Variants in ZSCAN5A observed in about 807,000 individuals in gnomAD.
The protein encoded by ZSCAN5A is zinc finger and SCAN domain containing 5A.
A neutral mutation model predicts 23.7 loss-of-function variants in ZSCAN5A; 12 were observed. The ratio of observed to expected loss-of-function variants is 0.51; its 90% CI spans 0.32 to 0.82. The LOEUF (loss-of-function observed/expected upper bound fraction) is 0.82. ZSCAN5A is among the 40% of genes least tolerant of loss of function. The pLI is 0.03. For synonymous variants in ZSCAN5A, 257 were observed against 239.9 expected, an observed-to-expected ratio of 1.07 and a Z score of -0.66; for missense variants, 597 against 617.9, an observed-to-expected ratio of 0.97 and a Z score of 0.36.
chr19:56,291,876 A>G (rs2039532377), intron 2 of ZSCAN5A, among the ~76,000 whole-genome samples: 1 of 152,214 alleles, frequency 6.6e-6, no homozygotes, highest in Admixed American at 6.5e-5. Flanking sequence ...TGGTGATGAC[A>G]GTGATGGAAA....
At chr19:56,244,218 T>G (rs760423131) in intron 2 of ZSCAN5A, 26 of 1,607,482 alleles carry the variant, frequency 1.6e-5, no homozygotes, top group Non-Finnish European at 1.4e-5. Context: ...TCGGACCCCA[T>G]CCAGGCTCTG....
chr19:56,323,598 A>G (rs575355070), intron 2 of ZSCAN5A, among the ~76,000 whole-genome samples: 330 of 140,390 alleles, frequency 2.4e-3, no homozygotes, highest in Non-Finnish European at 3.7e-3. Flanking sequence ...GTACAATGGT[A>G]TGATCTCGGC....
rs368273548 is a variant in ZSCAN5A at position 56,270,455 on chromosome 19, G to C, written c.-128+42828C>G. Reference sequence around the variant, plus strand: ...AAATAAATACATACATAGCTAGCAAGTTGTGCAAGAAAGATTCAGTGAAAC... The same window carrying C: ...AAATAAATACATACATAGCTAGCAACTTGTGCAAGAAAGATTCAGTGAAAC... On this transcript the variant is annotated intron_variant, in intron 2 of 5. Coordinates refer to ENST00000683990, the MANE Select transcript of ZSCAN5A (RefSeq NM_001322064.3). Among the ~76,000 whole-genome samples the C allele has an allele frequency of 2.6e-5, 4 of 152,040 alleles. No individual in the cohort carries two copies. In the East Asian group the frequency reaches 7.7e-4, roughly 29 times the overall value.
intron 2 of ZSCAN5A, among the ~76,000 whole-genome samples, chr19:56,360,124 A>T (rs2041725608): frequency 1.3e-5 from 2 of 152,240 alleles, no homozygotes; most frequent in Non-Finnish European, 2.9e-5. Flanking sequence ...GGAAGAGAAG[A>T]AGTCAACTTG....
chr19:56,331,578 CTTTTTTTTTT>C (rs68085541), intron 2 of ZSCAN5A, among the ~76,000 whole-genome samples: 4 of 48,964 alleles, frequency 8.2e-5, no homozygotes, highest in Non-Finnish European at 1.6e-4. Flanking sequence ...GAATTGCATT[CTTTTTTTTTT>C]TTTTTTTTTT....
chr19:56,361,720 G>T (rs116953569), intron 2 of ZSCAN5A, among the ~76,000 whole-genome samples: 3,717 of 151,766 alleles, frequency 0.024, 64 homozygotes, highest in Non-Finnish European at 0.039. Flanking sequence ...GGCATGGTTG[G>T]GAGGAGAGTA....
intron 2 of ZSCAN5A, among the ~76,000 whole-genome samples, chr19:56,290,814 G>A (rs1200380301): frequency 3.9e-5 from 6 of 152,128 alleles, no homozygotes; most frequent in Non-Finnish European, 7.4e-5. Context: ...CTGACTCCCC[G>A]AATGCTGGTT....
intron 2 of ZSCAN5A, among the ~76,000 whole-genome samples, chr19:56,310,955 C>G (rs1428766896): frequency 1.3e-5 from 2 of 152,214 alleles, no homozygotes; most frequent in Non-Finnish European, 2.9e-5. Flanking sequence ...GTTCTCTTAT[C>G]ATCATGATCA....
intron 2 of ZSCAN5A, among the ~76,000 whole-genome samples, chr19:56,298,503 A>G (rs2040024364): frequency 6.6e-6 from 1 of 151,740 alleles, no homozygotes; most frequent in African/African-American, 2.4e-5. Flanking sequence ...ATACAAAAAA[A>G]TTAGCCAGGC....
intron 2 of ZSCAN5A, among the ~76,000 whole-genome samples, chr19:56,311,096 CGTT>C (rs1306255319): frequency 1.3e-5 from 2 of 151,990 alleles, no homozygotes; most frequent in Admixed American, 1.3e-4. Flanking sequence ...CAGGGGGTTT[CGTT>C]GTTGTTGTTG....
chr19:56,308,331 C>CTTTTTTT lies in ZSCAN5A; in HGVS notation c.-128+4945_-128+4951dup, dbSNP rs543582885. 2.3e-3 allele frequency among the ~76,000 whole-genome samples: 336 copies of CTTTTTTT among 144,732 alleles called. 2 individuals carry two copies. The East Asian group carries it at 0.029, about 12-fold the overall frequency. 94.9% of individuals were successfully genotyped at this position (144,732 alleles called of 152,430 possible). A position where few individuals can be genotyped will look rare whatever the true frequency, so the allele number is the denominator to read the frequency against. On this transcript the variant is annotated intron_variant, in intron 2 of 5. Coordinates refer to ENST00000683990, the MANE Select transcript of ZSCAN5A (RefSeq NM_001322064.3). ...ACAGGCGTGAGCGGTGGCTCCCAGT[C>CTTTTTTT]TTTTTTTTTTGAGATGGAGGCTCAC...
intron 2 of ZSCAN5A, chr19:56,244,277 A>G (rs548917225): frequency 3.1e-6 from 5 of 1,609,838 alleles, no homozygotes; most frequent in Non-Finnish European, 4.2e-6. Context: ...CGACCTCCAC[A>G]CCAAAGAGCA....
intron 2 of ZSCAN5A, among the ~76,000 whole-genome samples, chr19:56,290,389 A>G (rs971342691): frequency 2.6e-5 from 4 of 152,232 alleles, no homozygotes; most frequent in Non-Finnish European, 4.4e-5. Flanking sequence ...TGTGGCCTGC[A>G]AAGCCTACAC....
At chr19:56,341,220 T>G (rs1357132616) in intron 2 of ZSCAN5A, 1 of 152,000 alleles carries the variant, frequency 6.6e-6, no homozygotes, top group African/African-American at 2.4e-5. Context: ...GAAAAAAGAA[T>G]GAAAAGGAAC....
chr19:56,368,017 A>C (rs191764405), intron 1 of ZSCAN5A: 1 of 152,312 alleles, frequency 6.6e-6, no homozygotes, highest in African/African-American at 2.4e-5. Context: ...TGAACCTGGT[A>C]CTGATATACG....
At chr19:56,276,559 A>C (rs1600159140) in intron 2 of ZSCAN5A, among the ~76,000 whole-genome samples, 1 of 104,378 alleles carries the variant, frequency 9.6e-6, no homozygotes, top group African/African-American at 3.0e-5. Context: ...TATTTTTGAG[A>C]CGAGCCTCGC....
At chr19:56,240,033 GCA>G (rs2035299872) in intron 2 of ZSCAN5A, among the ~76,000 whole-genome samples, 1 of 151,990 alleles carries the variant, frequency 6.6e-6, no homozygotes, top group Non-Finnish European at 1.5e-5. Context: ...GTGGTGGCGG[GCA>G]CCTGTAATCC....
At chr19:56,244,543 G>T (rs1252618423) in intron 2 of ZSCAN5A, 5 of 1,242,520 alleles carry the variant, frequency 4.0e-6, no homozygotes, top group Non-Finnish European at 5.6e-6. Context: ...CCAAGTAGAG[G>T]AGAGTTTGCC....
At chr19:56,244,003 G>C in intron 2 of ZSCAN5A, 1 of 726,366 alleles carries the variant, frequency 1.4e-6, no homozygotes, top group East Asian at 2.5e-5. Flanking sequence ...GCTACTGGAA[G>C]AACTTTCTCA....
Sources: gnomAD v4.1 joint callset for allele counts (sites outside exome capture counted in the v4.1 genomes callset) on GRCh38, gnomAD v4.1.1 for gene constraint, MANE v1.5 for transcripts, NCBI Gene and HGNC (gene_info 2026-07-23, HGNC 2026-07-21) for gene names.